The following DARS1 variants were observed in gnomAD, a reference collection of about 807,000 sequenced individuals.
The protein encoded by DARS1 is aspartyl-tRNA synthetase 1, also known as aspartate--tRNA ligase, cytoplasmic.
Under a neutral mutation model 68.8 loss-of-function variants are expected in DARS1, and 51 were observed. The observed-to-expected ratio is 0.74, with a 90% CI of 0.59 to 0.94. The LOEUF (loss-of-function observed/expected upper bound fraction) is 0.94. DARS1 is among the 40% of genes least tolerant of loss of function. DARS1 has a pLI of 0.00. For synonymous variants in DARS1, 203 were observed against 190.4 expected, an observed-to-expected ratio of 1.07 and a Z score of -0.55; for missense variants, 607 against 597.3, an observed-to-expected ratio of 1.02 and a Z score of -0.17.
chr2:135,910,168 T>C (rs1273253286), intron 15 of DARS1, among the ~76,000 whole-genome samples: 2 of 152,180 alleles, frequency 1.3e-5, no homozygotes, highest in Non-Finnish European at 2.9e-5. Flanking sequence ...TTCATTTCCC[T>C]TGGTATGTAA....
intron 15 of DARS1, among the ~76,000 whole-genome samples, chr2:135,909,147 G>C (rs1410948218): frequency 6.6e-6 from 1 of 151,740 alleles, no homozygotes; most frequent in African/African-American, 2.4e-5. Flanking sequence ...GGTGGGGTGG[G>C]GGACAGCATT....
chr2:135,979,406 T>C (rs1443260358), intron 2 of DARS1, 40 bp from the exon 3 acceptor site: 1 of 862,746 alleles, frequency 1.2e-6, no homozygotes, highest in Admixed American at 1.9e-5. Context: ...GTAAAATAAT[T>C]TTTAAATTCA....
chr2:135,979,433 C>G, intron 2 of DARS1, 67 bp from the exon 3 acceptor site: 1 of 800,512 alleles, frequency 1.2e-6, no homozygotes. Context: ...ACAAAGAGAT[C>G]ATAATTATTT....
chr2:135,908,405 A>T (rs1165128611), intron 15 of DARS1, among the ~76,000 whole-genome samples: 4 of 152,056 alleles, frequency 2.6e-5, no homozygotes, highest in Admixed American at 6.6e-5. Flanking sequence ...TATAACTCTT[A>T]AAAAAAATCA....
chr2:135,985,247 C>T, intron 1 of DARS1, 156 bp downstream of exon 1: 2 of 1,256,476 alleles, frequency 1.6e-6, no homozygotes, highest in Admixed American at 2.9e-5. Flanking sequence ...GGCCCCACTG[C>T]TGGGGCAAGG....
intron 3 of DARS1, among the ~76,000 whole-genome samples, chr2:135,963,541 T>C (rs1242370886): frequency 6.6e-6 from 1 of 151,934 alleles, no homozygotes; most frequent in East Asian, 1.9e-4. Context: ...CTAGCTAATT[T>C]TTGTATTTTT....
chr2:135,981,877 G>A (rs1166388307), intron 2 of DARS1, among the ~76,000 whole-genome samples: 1 of 151,874 alleles, frequency 6.6e-6, no homozygotes, highest in Non-Finnish European at 1.5e-5. Context: ...ATGTTTCCCA[G>A]GCTAGTTTCA....
intron 7 of DARS1, among the ~76,000 whole-genome samples, chr2:135,927,656 G>A (rs972982629): frequency 1.3e-5 from 2 of 151,972 alleles, no homozygotes; most frequent in Admixed American, 6.6e-5. Flanking sequence ...AGATGATAAC[G>A]GCGATTACAG....
chr2:135,946,892 C>T (rs939087340), intron 4 of DARS1, among the ~76,000 whole-genome samples: 9 of 152,110 alleles, frequency 5.9e-5, no homozygotes, highest in Admixed American at 2.6e-4. Flanking sequence ...AGTGACCCTC[C>T]CACTTCAGAC....
At chr2:135,965,728 T>C (rs529298993) in intron 3 of DARS1, among the ~76,000 whole-genome samples, 66 of 152,326 alleles carry the variant, frequency 4.3e-4, no homozygotes, top group African/African-American at 1.6e-3. Flanking sequence ...ATACATTTTT[T>C]AGAATATATG....
intron 2 of DARS1, among the ~76,000 whole-genome samples, chr2:135,982,745 C>T (rs1266207463): frequency 6.6e-6 from 1 of 152,022 alleles, no homozygotes; most frequent in Admixed American, 6.6e-5. Context: ...GGGGTGGAGG[C>T]TTTAAAACTC....
rs368423036 is a variant in DARS1, at chr2:135,954,871, G to A, written c.320+6525C>T. On this transcript the variant is annotated intron_variant, in intron 4 of 15. Coordinates refer to ENST00000264161, the MANE Select transcript of DARS1 (RefSeq NM_001349.4). The stretch of plus-strand genomic sequence containing the variant: ...ATAAACCCAAGATGACAGAAGATGG[G>A]CAGCATAACCTTTACACTAATAGTG... 3.3e-5 allele frequency among the ~76,000 whole-genome samples: 5 copies of A among 152,106 alleles called. No individual in the cohort carries two copies. The East Asian group carries it at 9.6e-4, about 29-fold the overall frequency.
At position 135,910,977 on chromosome 2, in the gene DARS1, A is replaced by G. The variant is rs1575381037; in HGVS notation, c.1414+162T>C. The G allele has an allele frequency of 1.5e-5, 8 of 533,100 alleles. No homozygotes were observed. The South Asian group carries it at 2.1e-4, about 14-fold the overall frequency. The allele number at this position is 533,100 out of a possible 1,614,324, so 33.0% of individuals were successfully genotyped here. A position where few individuals can be genotyped will look rare whatever the true frequency, so the allele number is the denominator to read the frequency against. ...AGAGAAAAAAAATGGCTAGAACTTT[A>G]TGACAATAATATTTTATAACACACA... On this transcript the variant is annotated intron_variant, in intron 15 of 15. Transcript: ENST00000264161.
In DARS1 at chr2:135,916,249, T is replaced by G. The variant is rs760769694; in HGVS notation, c.1083A>C (p.Glu361Asp). Residue 361 changes from glutamate (E) to aspartate (D), a missense_variant, in exon 11 of 16, where the codon GAA becomes GAC. Physicochemically the swap from Glu to Asp is conservative, Grantham distance 45. Transcript: ENST00000264161. ...ALAMLREAGV[E>D]MGDEDDLSTP... Reference sequence around the variant, plus strand: ...ACCTCAGATCGTCTTCATCTCCCATTTCGACTCCAGCTTCCCTAAGCATAG... The same window carrying G: ...ACCTCAGATCGTCTTCATCTCCCATGTCGACTCCAGCTTCCCTAAGCATAG... The G allele has an allele frequency of 1.3e-6, 2 of 1,599,918 alleles. No homozygotes were observed. The highest frequency in any genetic ancestry group is 2.2e-5 in the East Asian group (1 of 44,764).
intron 7 of DARS1, among the ~76,000 whole-genome samples, chr2:135,926,728 C>CAG (rs138700059): frequency 0.023 from 3,490 of 152,264 alleles, 101 homozygotes; most frequent in African/African-American, 0.068. Flanking sequence ...TTACTGCAAA[C>CAG]AATCACATTG....
chr2:135,964,499 C>T (rs1184177483), intron 3 of DARS1, among the ~76,000 whole-genome samples: 1 of 152,014 alleles, frequency 6.6e-6, no homozygotes, highest in Non-Finnish European at 1.5e-5. Context: ...AATGTACCTC[C>T]TAAGATTTGC....
At position 135,921,646 on chromosome 2, in the gene DARS1, G is replaced by A. The variant is rs1265696350; in HGVS notation, c.812-1046C>T. Among the ~76,000 whole-genome samples, 13 of 152,140 alleles carry A rather than the reference G, an allele frequency of 8.5e-5. No homozygotes were observed. In the East Asian group the frequency reaches 2.5e-3, roughly 29 times the overall value. ...ATGTATGTATGTCTTAGTCTTGGGA[G>A]CAGGCACAATATTGATTCCCTTATC... is the stretch of plus-strand genomic sequence containing the variant. On this transcript the variant is annotated intron_variant, in intron 9 of 15. Coordinates refer to ENST00000264161, the MANE Select transcript of DARS1 (RefSeq NM_001349.4).
In DARS1 at chr2:135,914,462, G is replaced by C; in HGVS notation, c.1149+7C>G. 7.8e-7 allele frequency: 1 copy of C among 1,289,074 alleles called. No homozygotes were observed. Among genetic ancestry groups the C allele is most frequent in the Non-Finnish European group, 1.1e-6 (1 of 883,336 alleles). The allele number at this position is 1,289,074 out of a possible 1,614,324, so 79.9% of individuals were successfully genotyped here. A position where few individuals can be genotyped will look rare whatever the true frequency, so the allele number is the denominator to read the frequency against. On this transcript the variant is annotated splice_region_variant and intron_variant, in intron 12 of 15. Coordinates refer to ENST00000264161, the MANE Select transcript of DARS1 (RefSeq NM_001349.4). ...GAAAAAGAAATCCAGCATATAAAGA[G>C]TCCTACCTTTTCCTTTACCAAATGA...
At chr2:135,936,431 T>C (rs1681475007) in intron 5 of DARS1, among the ~76,000 whole-genome samples, 1 of 152,170 alleles carries the variant, frequency 6.6e-6, no homozygotes, top group South Asian at 2.1e-4. Context: ...GGTCTTGCTC[T>C]GTCACCCAGG....
Sources: allele counts gnomAD v4.1 joint callset (sites outside exome capture counted in the v4.1 genomes callset), GRCh38; gene constraint gnomAD v4.1.1; transcripts MANE v1.5; gene names NCBI Gene and HGNC (gene_info 2026-07-23, HGNC 2026-07-21).